Variants in PRXL2A observed in about 807,000 individuals in gnomAD.
PRXL2A encodes the protein peroxiredoxin-like 2A.
A neutral mutation model predicts 25.6 loss-of-function variants in PRXL2A; 26 were observed. The observed-to-expected ratio is 1.02, with a 90% CI of 0.74 to 1.41. The LOEUF (loss-of-function observed/expected upper bound fraction) is 1.41. Among genes scored for constraint, PRXL2A ranks in the 40% most tolerant of loss-of-function variants. The probability of loss-of-function intolerance (pLI) is 0.00; values close to 1 mark genes in which losing one functional copy is unlikely to be tolerated. For synonymous variants in PRXL2A, 98 were observed against 102.9 expected (o/e 0.95, Z 0.29); for missense variants, 246 against 273.9 (o/e 0.90, Z 0.72).
intron 1 of PRXL2A, among the ~76,000 whole-genome samples, chr10:80,419,186 G>C (rs1352576511): frequency 6.6e-6 from 1 of 151,692 alleles, no homozygotes; most frequent in Admixed American, 6.6e-5. Flanking sequence ...GGGTTTCACT[G>C]TGTTGGCCAG....
chr10:80,427,234 C>A, intron 4 of PRXL2A, 98 bp from the exon 5 acceptor site: 2 of 1,033,638 alleles, frequency 1.9e-6, no homozygotes, highest in South Asian at 1.5e-5. Flanking sequence ...CCTTTTGAGT[C>A]TTTGCCTGAG....
intron 1 of PRXL2A, among the ~76,000 whole-genome samples, chr10:80,416,700 T>C (rs1220015562): frequency 1.3e-5 from 2 of 152,204 alleles, no homozygotes; most frequent in East Asian, 3.8e-4. Context: ...TTTATTCTGG[T>C]GGCTGATGGC....
At chr10:80,425,843 C>T (rs1845021796) in intron 3 of PRXL2A, 23 bp from the exon 4 acceptor site, 1 of 1,614,084 alleles carries the variant, frequency 6.2e-7, no homozygotes, top group African/African-American at 1.3e-5. Flanking sequence ...ACAGATGTCC[C>T]TGAACCCTTG....
intron 5 of PRXL2A, among the ~76,000 whole-genome samples, chr10:80,430,847 A>G (rs1015954445): frequency 6.6e-6 from 1 of 151,782 alleles, no homozygotes; most frequent in Non-Finnish European, 1.5e-5. Context: ...TATTGTGAAC[A>G]TTTTCCTATG....
At position 80,420,632 on chromosome 10, in the gene PRXL2A, A is replaced by G; in HGVS notation, c.165A>G (p.Lys55=). ...ALEYLEDIDL[K]TLEKEPRTFK... is the part of the protein sequence containing the mutation. ...AGTACCTGGAGGATATAGACCTGAA[A>G]ACACTGGAGAAGGGTAAGTGGTGAC... is the stretch of plus-strand genomic sequence containing the variant. The change falls in exon 2 of 6, where the codon AAA becomes AAG. Residue 55 remains lysine, a synonymous_variant. Coordinates refer to ENST00000606162, the MANE Select transcript of PRXL2A (RefSeq NM_032333.5). 1 of 1,607,560 alleles carries G rather than the reference A, an allele frequency of 6.2e-7. No individual in the cohort carries two copies. Among genetic ancestry groups the G allele is most frequent in the South Asian group, 1.1e-5 (1 of 89,964 alleles).
rs1845373532 is a variant in PRXL2A at position 80,435,321 on chromosome 10, G to T, written c.*3222G>T. Reference sequence around the variant, plus strand: ...CCCAGGCAGGGACCCAAAGGGGCCTGGGTTATCCCTGAGACAGGGCCTTGA... The same window carrying T: ...CCCAGGCAGGGACCCAAAGGGGCCTTGGTTATCCCTGAGACAGGGCCTTGA... On this transcript the variant is annotated 3_prime_UTR_variant, in exon 6 of 6. Coordinates refer to ENST00000606162, the MANE Select transcript of PRXL2A (RefSeq NM_032333.5). 6.6e-6 allele frequency: 1 copy of T among 152,152 alleles called. No homozygotes were observed. Among genetic ancestry groups the T allele is most frequent in the South Asian group, 2.1e-4 (1 of 4,830 alleles). 9.4% of individuals were successfully genotyped at this position (152,152 alleles called of 1,614,324 possible). A position where few individuals can be genotyped will look rare whatever the true frequency, so the allele number is the denominator to read the frequency against.
At chr10:80,430,692 A>C (rs953372559) in intron 5 of PRXL2A, among the ~76,000 whole-genome samples, 4 of 152,166 alleles carry the variant, frequency 2.6e-5, no homozygotes, top group African/African-American at 9.7e-5. Context: ...AAATTTAAAA[A>C]CAGCAGAACA....
chr10:80,408,025 C>T (rs1844330906), upstream of PRXL2A: 1 of 152,218 alleles, frequency 6.6e-6, no homozygotes, highest in Non-Finnish European at 1.5e-5. Context: ...CTGCGGCTCA[C>T]CGTTCTCTGC....
intron 1 of PRXL2A, among the ~76,000 whole-genome samples, chr10:80,411,603 T>A (rs1484990869): frequency 6.6e-6 from 1 of 152,230 alleles, no homozygotes; most frequent in Non-Finnish European, 1.5e-5. Flanking sequence ...CCATGTGACC[T>A]TGGACTAGCC....
intron 3 of PRXL2A, among the ~76,000 whole-genome samples, chr10:80,424,293 G>A (rs1164672188): frequency 6.6e-6 from 1 of 150,670 alleles, no homozygotes; most frequent in East Asian, 2.0e-4. Flanking sequence ...TCTCAGCCAG[G>A]TGCAGTGGCT....
In PRXL2A at chr10:80,425,976, T is replaced by C; in HGVS notation, c.381T>C (p.Tyr127=). Residue 127 remains tyrosine, a synonymous_variant, in exon 4 of 6, where the codon TAT becomes TAC. Transcript: ENST00000606162. ...IRTEVKDFQP[Y]FKGEIFLDEK... ...CTGAAGTGAAGGATTTCCAGCCTTA[T>C]TTCAAAGGAGAAATCTTCCTGGATG... 6.2e-7 allele frequency: 1 copy of C among 1,614,248 alleles called. No individual in the cohort carries two copies. Among genetic ancestry groups the C allele is most frequent in the Non-Finnish European group, 8.5e-7 (1 of 1,180,036 alleles).
At chr10:80,422,942 G>C (rs2131897862) in intron 3 of PRXL2A, among the ~76,000 whole-genome samples, 1 of 152,292 alleles carries the variant, frequency 6.6e-6, no homozygotes, top group Middle Eastern at 3.4e-3. Flanking sequence ...TTACCTATTA[G>C]AGCAGACCTG....
chr10:80,422,503 C>T lies in PRXL2A; in HGVS notation c.265C>T (p.Arg89Ter), dbSNP rs772924415. The change falls in exon 3 of 6, where the codon CGA becomes TGA. Residue 89 changes from arginine (R) to a stop codon, truncating the protein, a stop_gained. Transcript: ENST00000606162. LOFTEE classifies it high-confidence loss of function. ...AVRRPGCFLC[R>*]EEAADLSSLK... Reference sequence around the variant, plus strand: ...GCGGAGGCCAGGCTGTTTCCTCTGTCGAGAGGTGAGTGCAGATGAGGATCT... The same window carrying T: ...GCGGAGGCCAGGCTGTTTCCTCTGTTGAGAGGTGAGTGCAGATGAGGATCT... 8.1e-6 allele frequency: 13 copies of T among 1,612,898 alleles called. No homozygotes were observed. Among genetic ancestry groups the T allele is most frequent in the South Asian group, 1.1e-5 (1 of 91,030 alleles).
chr10:80,411,078 G>T (rs1483347244), intron 1 of PRXL2A, among the ~76,000 whole-genome samples: 1 of 152,188 alleles, frequency 6.6e-6, no homozygotes, highest in Non-Finnish European at 1.5e-5. Context: ...GCAGGTAGGT[G>T]AGAGCTCATT....
At position 80,427,400 on chromosome 10, in the gene PRXL2A, C is replaced by T. The variant is rs762470323; in HGVS notation, c.480C>T (p.Tyr160=). 6.2e-7 allele frequency: 1 copy of T among 1,614,094 alleles called. No homozygotes were observed. The highest frequency in any genetic ancestry group is 8.5e-7 in the Non-Finnish European group (1 of 1,180,002). The change falls in exon 5 of 6, where the codon TAC becomes TAT. Residue 160 remains tyrosine, a synonymous_variant. Coordinates refer to ENST00000606162, the MANE Select transcript of PRXL2A (RefSeq NM_032333.5). ...GATTTATCCGTCTGGGAGTGTGGTA[C>T]AACTTCTTCCGAGCCTGGAACGGAG... ...FMGFIRLGVW[Y]NFFRAWNGGF...
chr10:80,413,227 A>G (rs977078649), intron 1 of PRXL2A, among the ~76,000 whole-genome samples: 37 of 151,864 alleles, frequency 2.4e-4, no homozygotes, highest in Admixed American at 1.4e-3. Context: ...GACACCTACA[A>G]AACCCCCAAG....
At chr10:80,408,962 G>A (rs1564686149) in intron 1 of PRXL2A, 15 of 915,576 alleles carry the variant, frequency 1.6e-5, no homozygotes, top group Non-Finnish European at 2.0e-5. Context: ...CAAGCCTTGA[G>A]TGACGCCGGT....
intron 1 of PRXL2A, among the ~76,000 whole-genome samples, chr10:80,411,977 CTT>C (rs1844491172): frequency 6.6e-6 from 1 of 152,176 alleles, no homozygotes; most frequent in Non-Finnish European, 1.5e-5. Context: ...TTCATTAAGA[CTT>C]TATCAGTTCC....
chr10:80,410,168 C>A (rs1422305976), intron 1 of PRXL2A, among the ~76,000 whole-genome samples: 3 of 152,240 alleles, frequency 2.0e-5, no homozygotes, highest in Non-Finnish European at 4.4e-5. Context: ...CAGTTGGGTT[C>A]TTGCTTCTTT....
Sources: gnomAD v4.1 joint callset for allele counts (sites outside exome capture counted in the v4.1 genomes callset) on GRCh38, gnomAD v4.1.1 for gene constraint, MANE v1.5 for transcripts, NCBI Gene and HGNC (gene_info 2026-07-23, HGNC 2026-07-21) for gene names.